MARK2: variants seen among roughly 807,000 people sequenced by gnomAD.
MARK2 encodes the protein microtubule affinity regulating kinase 2.
In MARK2, 16 loss-of-function variants were observed where a neutral mutation model predicts 89.8. The ratio of observed to expected loss-of-function variants is 0.18; its 90% CI spans 0.12 to 0.27. MARK2 has a LOEUF of 0.27. Ranked by LOEUF, MARK2 falls within the 10% of genes least tolerant of loss-of-function variation. The pLI is 1.00. For missense variants in MARK2, 621 were observed against 1,049.9 expected, an observed-to-expected ratio of 0.59 and a Z score of 5.65; for synonymous variants, 382 against 399.5, an observed-to-expected ratio of 0.96 and a Z score of 0.52.
Position 63,903,030 on chromosome 11 carries a change from T to C in MARK2, c.1417-31T>C. Reference sequence around the variant, plus strand: ...CTGGCTGTAGACCACTTTGGCTTTCTGATAGAACGCTTGCCCTTTATTCCC... The same window carrying C: ...CTGGCTGTAGACCACTTTGGCTTTCCGATAGAACGCTTGCCCTTTATTCCC... On this transcript the variant is annotated intron_variant, in intron 13 of 18. Coordinates refer to ENST00000402010, the MANE Select transcript of MARK2 (RefSeq NM_001039469.3). The surrounding 1 kb of genome is among the most constrained non-coding windows in gnomAD (Gnocchi z 5.1). 1 of 1,597,884 alleles carries C rather than the reference T, an allele frequency of 6.3e-7. No individual in the cohort carries two copies. The highest frequency in any genetic ancestry group is 8.6e-7 in the Non-Finnish European group (1 of 1,165,512).
intron 1 of MARK2, among the ~76,000 whole-genome samples, chr11:63,852,476 C>T (rs2016619921): frequency 6.6e-6 from 1 of 151,900 alleles, no homozygotes; most frequent in Non-Finnish European, 1.5e-5. Flanking sequence ...TATTTTAGCA[C>T]TTTATTCTAA....
intron 1 of MARK2, among the ~76,000 whole-genome samples, chr11:63,841,453 A>T (rs756602413): frequency 2.6e-4 from 40 of 152,028 alleles, no homozygotes; most frequent in Non-Finnish European, 4.9e-4. Context: ...GGGTCTTTGG[A>T]GACAGAGGAG....
intron 17 of MARK2, among the ~76,000 whole-genome samples, chr11:63,906,678 C>T (rs887672779): frequency 1.3e-5 from 2 of 152,014 alleles, no homozygotes; most frequent in African/African-American, 4.8e-5. Context: ...CCTATGGGAT[C>T]GCAGGACTTT....
At chr11:63,847,164 G>A (rs933329588) in intron 1 of MARK2, among the ~76,000 whole-genome samples, 2 of 152,280 alleles carry the variant, frequency 1.3e-5, no homozygotes, top group South Asian at 4.1e-4. Context: ...GGTTCTTTCC[G>A]CAGATGTCTG....
At chr11:63,859,741 C>G (rs1174216785) in intron 1 of MARK2, among the ~76,000 whole-genome samples, 1 of 152,124 alleles carries the variant, frequency 6.6e-6, no homozygotes, top group Non-Finnish European at 1.5e-5. Flanking sequence ...AAGCAAATCT[C>G]CTGCCTCGGC....
chr11:63,903,141 C>T lies in MARK2; in HGVS notation c.1497C>T (p.Ile499=), dbSNP rs1299189299. 5 of 1,613,568 alleles carry T rather than the reference C, an allele frequency of 3.1e-6. No homozygotes were observed. The highest frequency in any genetic ancestry group is 3.4e-6 in the Non-Finnish European group (4 of 1,179,820). Residue 499 remains isoleucine, a synonymous_variant, in exon 14 of 19, where the codon ATC becomes ATT. Transcript: ENST00000402010. The surrounding 1 kb of genome is among the most constrained non-coding windows in gnomAD (Gnocchi z 5.1). ...GGGCCAGCCTCGGCCAGGCCTCCAT[C>T]CAGAATGGCAAAGACAGGTGAGAGA... ...LERASLGQAS[I]QNGKDSLTMP... is the part of the protein sequence containing the mutation.
intron 1 of MARK2, chr11:63,890,123 G>A: frequency 1.8e-6 from 1 of 552,372 alleles, no homozygotes; most frequent in East Asian, 6.6e-5. Flanking sequence ...AAGAAGCTAG[G>A]TGAGGAAGTT....
In MARK2 at chr11:63,903,011, G is replaced by A. The variant is rs1451002479; in HGVS notation, c.1417-50G>A. The stretch of plus-strand genomic sequence containing the variant: ...ATGAACCTGGGGGGAGAACCTGGCT[G>A]TAGACCACTTTGGCTTTCTGATAGA... On this transcript the variant is annotated intron_variant, in intron 13 of 18. Coordinates refer to ENST00000402010, the MANE Select transcript of MARK2 (RefSeq NM_001039469.3). The surrounding 1 kb of genome is among the most constrained non-coding windows in gnomAD (Gnocchi z 5.1). 3.3e-6 allele frequency: 5 copies of A among 1,515,748 alleles called. No individual in the cohort carries two copies. Among genetic ancestry groups the A allele is most frequent in the African/African-American group, 1.4e-5 (1 of 73,042 alleles). The allele number at this position is 1,515,748 out of a possible 1,614,324, so 93.9% of individuals were successfully genotyped here.
intron 1 of MARK2, among the ~76,000 whole-genome samples, chr11:63,886,990 G>A (rs925433609): frequency 6.6e-6 from 1 of 152,242 alleles, no homozygotes; most frequent in Non-Finnish European, 1.5e-5. Flanking sequence ...GATCCAGTGG[G>A]CCCACTGAAG....
Position 63,903,294 on chromosome 11 carries a change from A to C in MARK2, c.1514+136A>C, listed in dbSNP as rs1031176939. 1 of 695,366 alleles carries C rather than the reference A, an allele frequency of 1.4e-6. No individual in the cohort carries two copies. Among genetic ancestry groups the C allele is most frequent in the African/African-American group, 1.8e-5 (1 of 56,504 alleles). 43.1% of individuals were successfully genotyped at this position (695,366 alleles called of 1,614,324 possible). Reference sequence around the variant, plus strand: ...CTGGAGTTCCATCCTGGCTGTGTCCAGTCCAGCTTTCCCCTCCCCTATTCC... The same window carrying C: ...CTGGAGTTCCATCCTGGCTGTGTCCCGTCCAGCTTTCCCCTCCCCTATTCC... On this transcript the variant is annotated intron_variant, in intron 14 of 18. Coordinates refer to ENST00000402010, the MANE Select transcript of MARK2 (RefSeq NM_001039469.3). This position sits in a 1 kb window ranked among gnomAD's most constrained non-coding sequence, Gnocchi z 5.1.
At chr11:63,879,337 G>T (rs1282473174) in intron 1 of MARK2, among the ~76,000 whole-genome samples, 2 of 151,978 alleles carry the variant, frequency 1.3e-5, no homozygotes, top group Admixed American at 6.6e-5. Flanking sequence ...ATCACATTTT[G>T]TGGTCATGGC....
At chr11:63,847,540 G>GGGAAGT (rs2016344244) in intron 1 of MARK2, among the ~76,000 whole-genome samples, 2 of 152,162 alleles carry the variant, frequency 1.3e-5, no homozygotes, top group Non-Finnish European at 2.9e-5. Context: ...CTATTTTCTT[G>GGGAAGT]TGTGCTCTTT....
intron 1 of MARK2, among the ~76,000 whole-genome samples, chr11:63,845,010 G>A (rs1321382947): frequency 6.6e-6 from 1 of 152,168 alleles, no homozygotes; most frequent in South Asian, 2.1e-4. Context: ...GGGGGTGGGC[G>A]CCACCTTTGG....
chr11:63,868,606 GA>G, intron 1 of MARK2: 1 of 353,812 alleles, frequency 2.8e-6, no homozygotes, highest in African/African-American at 2.1e-5. Flanking sequence ...CACTGCTGAG[GA>G]AATCGTCTGG....
rs1940776652 is a variant in MARK2 at position 63,900,541 on chromosome 11, C to T, written c.769-18C>T. 1 of 1,613,012 alleles carries T rather than the reference C, an allele frequency of 6.2e-7. No individual in the cohort carries two copies. Among genetic ancestry groups the T allele is most frequent in the African/African-American group, 1.3e-5 (1 of 74,870 alleles). The stretch of plus-strand genomic sequence containing the variant: ...CCTTGGGGTGATTTCAATTTTCTAA[C>T]CCTGGATCCTCCTGCAGGAGCTGCG... On this transcript the variant is annotated intron_variant, in intron 8 of 18. Coordinates refer to ENST00000402010, the MANE Select transcript of MARK2 (RefSeq NM_001039469.3). The surrounding 1 kb of genome is among the most constrained non-coding windows in gnomAD (Gnocchi z 4.7).
At chr11:63,905,811 C>T (rs926711369) in intron 16 of MARK2, among the ~76,000 whole-genome samples, 2 of 152,220 alleles carry the variant, frequency 1.3e-5, no homozygotes, top group African/African-American at 4.8e-5. Flanking sequence ...TTTGAGAGAA[C>T]AGGCTCGCCT....
intron 1 of MARK2, among the ~76,000 whole-genome samples, chr11:63,884,830 A>C (rs1939298531): frequency 6.6e-6 from 1 of 152,230 alleles, no homozygotes; most frequent in Non-Finnish European, 1.5e-5. Flanking sequence ...GCTCAGAATC[A>C]AAGGATGAAA....
intron 1 of MARK2, among the ~76,000 whole-genome samples, chr11:63,850,315 A>ATTTTTT (rs34074167): frequency 4.4e-4 from 42 of 95,740 alleles, no homozygotes; most frequent in East Asian, 1.2e-3. Context: ...TACCTGGCTA[A>ATTTTTT]TTTTTTTTTT....
chr11:63,882,661 C>T (rs2135292688), intron 1 of MARK2: 1 of 152,110 alleles, frequency 6.6e-6, no homozygotes, highest in South Asian at 2.1e-4. Context: ...TTTATTGTTC[C>T]ATTTTTTTGT....
Sources: gnomAD v4.1 joint callset for allele counts (sites outside exome capture counted in the v4.1 genomes callset) on GRCh38, gnomAD v4.1.1 for gene constraint, Gnocchi (gnomAD v3.1) non-coding constraint, MANE v1.5 for transcripts, NCBI Gene and HGNC (gene_info 2026-07-23, HGNC 2026-07-21) for gene names.